Variants in DNMT3A observed in about 807,000 individuals in gnomAD.
DNMT3A encodes DNA methyltransferase 3 alpha, also known as DNA (cytosine-5)-methyltransferase 3A.
Under a neutral mutation model 117.6 loss-of-function variants are expected in DNMT3A, and 267 were observed. The observed-to-expected ratio is 2.27, with a 90% confidence interval of 2.05 to 2.51. DNMT3A has a LOEUF of 2.51. Ranked by LOEUF, DNMT3A falls within the 30% of genes most tolerant of loss-of-function variation. The pLI, the probability that DNMT3A is intolerant of heterozygous loss-of-function variation, is 0.00. For missense variants in DNMT3A, 1,029 were observed against 1,260.2 expected (o/e 0.82, Z 2.78); for synonymous variants, 432 against 474.8 (o/e 0.91, Z 1.17).
chr2:25,331,532 C>T (rs113133240), intron 1 of DNMT3A, among the ~76,000 whole-genome samples: 8 of 152,326 alleles, frequency 5.3e-5, no homozygotes, highest in South Asian at 2.1e-4. Context: ...GATTCTCAGA[C>T]GGTGATGATG....
chr2:25,235,333 C>T (rs1176644914), intron 22 of DNMT3A, among the ~76,000 whole-genome samples: 7 of 152,070 alleles, frequency 4.6e-5, no homozygotes, highest in East Asian at 1.9e-4. Flanking sequence ...TACAGGCACC[C>T]GCCACCACAC....
In DNMT3A at chr2:25,232,734, G is replaced by A. The variant is rs547487112; in HGVS notation, c.*1545C>T. ...CCGCACCTTGGTTTGAAACCTAAAG[G>A]GAAGGGTGTTGGGTTTTTGTTTTCT... On this transcript the variant is annotated 3_prime_UTR_variant, in exon 23 of 23. Transcript: ENST00000321117. This position sits in a 1 kb window ranked among gnomAD's most constrained non-coding sequence, Gnocchi z 4.1. 20 of 178,448 alleles carry A rather than the reference G, an allele frequency of 1.1e-4. No individual in the cohort carries two copies. The South Asian group carries it at 3.8e-3, about 34-fold the overall frequency. 11.1% of individuals were successfully genotyped at this position (178,448 alleles called of 1,614,324 possible).
In DNMT3A at chr2:25,294,305, G is replaced by A. The variant is rs559848101; in HGVS notation, c.177+5834C>T. ...GGGCGTTGATTTCACCGCTCAGGTC[G>A]GGGAGTGGGTGGGTGGAGCTGCAAG... On this transcript the variant is annotated intron_variant, in intron 3 of 22. Transcript: ENST00000321117. This position sits in a 1 kb window ranked among gnomAD's most constrained non-coding sequence, Gnocchi z 4.7. 2.2e-4 allele frequency among the ~76,000 whole-genome samples: 33 copies of A among 152,250 alleles called. No individual in the cohort carries two copies. The highest frequency in any genetic ancestry group is 7.5e-4 in the African/African-American group (31 of 41,548).
intron 3 of DNMT3A, among the ~76,000 whole-genome samples, chr2:25,285,028 C>T (rs921988060): frequency 7.2e-5 from 11 of 152,186 alleles, no homozygotes; most frequent in Non-Finnish European, 1.3e-4. Context: ...GGCATTTGGG[C>T]TGATTTGCTT....
chr2:25,341,538 G>T (rs2035453671), intron 1 of DNMT3A, among the ~76,000 whole-genome samples: 1 of 146,584 alleles, frequency 6.8e-6, no homozygotes, highest in Non-Finnish European at 1.5e-5. Context: ...GGAGCCGGGC[G>T]GGGGCGGGGA....
rs765073748 is a variant in DNMT3A at position 25,246,226 on chromosome 2, TG to T, written c.1362del (p.Lys456SerfsTer195). ...EAAAYAPPPPAKKPRKSTAEK... is the reference protein window; with the variant it reads ...EAAAYAPPPPXKKPRKSTAEK... ...TCCGCTGTGCTCTTCCGGGGCTTTT[TG>T]GCTGGTGGAGGTGGTGCGTAGGCAG... is the stretch of plus-strand genomic sequence containing the variant. On this transcript the variant is annotated frameshift_variant, in exon 11 of 23. Coordinates refer to ENST00000321117, the MANE Select transcript of DNMT3A (RefSeq NM_022552.5). LOFTEE classifies it high-confidence loss of function. 6.2e-7 allele frequency: 1 copy of T among 1,614,178 alleles called. No homozygotes were observed. The highest frequency in any genetic ancestry group is 8.5e-7 in the Non-Finnish European group (1 of 1,180,008).
chr2:25,306,868 C>G lies in DNMT3A; in HGVS notation c.73-6625G>C, dbSNP rs1282795217. On this transcript the variant is annotated intron_variant, in intron 2 of 22. Transcript: ENST00000321117. The surrounding 1 kb of genome is among the most constrained non-coding windows in gnomAD (Gnocchi z 4.1). ...CAAGTACCTGATGCCATGCTGAGCC[C>G]AGACTGGAGTGTGCTACTGCTCTGC... is the stretch of plus-strand genomic sequence containing the variant. Among the ~76,000 whole-genome samples, 2 of 152,242 alleles carry G rather than the reference C, an allele frequency of 1.3e-5. No individual in the cohort carries two copies. Among genetic ancestry groups the G allele is most frequent in the East Asian group, 3.8e-4 (2 of 5,206 alleles).
chr2:25,309,584 A>ACGCAGGAGACAGCCTAAGGAG (rs1408821998), intron 2 of DNMT3A, among the ~76,000 whole-genome samples: 39 of 152,160 alleles, frequency 2.6e-4, no homozygotes, highest in Non-Finnish European at 4.9e-4. Flanking sequence ...ATCCCCCTTC[A>ACGCAGGAGACAGCCTAAGGAG]CGCAGGAGAC....
At chr2:25,258,514 T>C (rs574721040) in intron 6 of DNMT3A, among the ~76,000 whole-genome samples, 72 of 152,232 alleles carry the variant, frequency 4.7e-4, no homozygotes, top group Middle Eastern at 3.4e-3. Context: ...AGCAAAGAGG[T>C]GCAAGAGCTA....
At position 25,234,876 on chromosome 2, in the gene DNMT3A, C is replaced by T. The variant is rs939885469; in HGVS notation, c.2598-456G>A. ...AGAGCAGGGAAGGCGAAAAAGGAGCCGAACTCCTGCCTGACTTCAGAAGCT... is the reference window on the plus strand; with the variant it reads ...AGAGCAGGGAAGGCGAAAAAGGAGCTGAACTCCTGCCTGACTTCAGAAGCT... On this transcript the variant is annotated intron_variant, in intron 22 of 22. Coordinates refer to ENST00000321117, the MANE Select transcript of DNMT3A (RefSeq NM_022552.5). The surrounding 1 kb of genome is among the most constrained non-coding windows in gnomAD (Gnocchi z 4.5). 2.0e-5 allele frequency among the ~76,000 whole-genome samples: 3 copies of T among 152,096 alleles called. No homozygotes were observed. Among genetic ancestry groups the T allele is most frequent in the Admixed American group, 6.6e-5 (1 of 15,260 alleles).
Position 25,257,856 on chromosome 2 carries a change from C to A in DNMT3A, c.640-9604G>T, listed in dbSNP as rs1676292313. ...AGGTGTGGAAACACGGAGACCCTGG[C>A]TGTGTCTGTTACAAATGAGAACACT... On this transcript the variant is annotated intron_variant, in intron 6 of 22. Coordinates refer to ENST00000321117, the MANE Select transcript of DNMT3A (RefSeq NM_022552.5). The surrounding 1 kb of genome is among the most constrained non-coding windows in gnomAD (Gnocchi z 4.8). 6.6e-6 allele frequency among the ~76,000 whole-genome samples: 1 copy of A among 152,210 alleles called. No homozygotes were observed.
Position 25,244,226 on chromosome 2 carries a change from GC to G in DNMT3A, c.1779del (p.Leu594CysfsTer57). On this transcript the variant is annotated frameshift_variant, in exon 15 of 23. Transcript: ENST00000321117. LOFTEE classifies it high-confidence loss of function. ...GGCCAGTCCTCTCGCCGCCGCAGCA[GC>G]CCGTAGGTACCCTTGTGCCCGCACA... ...CYMCGHKGTY[G>X]LLRRREDWPS... The G allele has an allele frequency of 6.2e-7, 1 of 1,614,048 alleles. No individual in the cohort carries two copies. The highest frequency in any genetic ancestry group is 2.2e-5 in the East Asian group (1 of 44,882).
At chr2:25,265,106 C>T (rs1427656572) in intron 6 of DNMT3A, among the ~76,000 whole-genome samples, 1 of 152,192 alleles carries the variant, frequency 6.6e-6, no homozygotes, top group African/African-American at 2.4e-5. Context: ...TCCAGTTTCA[C>T]AACATCATCC....
chr2:25,328,287 G>A (rs1319425306), intron 1 of DNMT3A, among the ~76,000 whole-genome samples: 1 of 152,160 alleles, frequency 6.6e-6, no homozygotes, highest in Non-Finnish European at 1.5e-5. Flanking sequence ...CACCAGGGCT[G>A]GCTACAACGC....
rs540894871 is a variant in DNMT3A at position 25,228,531 on chromosome 2, C to T, written c.*5748G>A. The T allele has an allele frequency of 1.9e-3, 283 of 152,212 alleles. 2 individuals carry two copies. Among genetic ancestry groups the T allele is most frequent in the African/African-American group, 6.8e-3 (281 of 41,534 alleles). 9.4% of individuals were successfully genotyped at this position (152,212 alleles called of 1,614,324 possible). A position where few individuals can be genotyped will look rare whatever the true frequency, so the allele number is the denominator to read the frequency against. ...GTAAGCACCCGCTACTTCAATGCCT[C>T]AGCTAAAACACATGAAATCGCTCAT... On this transcript the variant is annotated 3_prime_UTR_variant, in exon 23 of 23. Transcript: ENST00000321117.
At chr2:25,283,225 G>A (rs2032024484) in intron 3 of DNMT3A, among the ~76,000 whole-genome samples, 1 of 152,084 alleles carries the variant, frequency 6.6e-6, no homozygotes, top group South Asian at 2.1e-4. Context: ...AGTTGGGGAT[G>A]GTGGTGCATG....
At chr2:25,289,337 T>G (rs913440125) in intron 3 of DNMT3A, among the ~76,000 whole-genome samples, 2 of 152,122 alleles carry the variant, frequency 1.3e-5, no homozygotes, top group Non-Finnish European at 2.9e-5. Context: ...TGATCCCAGG[T>G]GATCCATCCG....
intron 18 of DNMT3A, 51 bp from the exon 19 acceptor site, chr2:25,240,501 GT>G (rs1203696710): frequency 1.3e-6 from 2 of 1,583,214 alleles, no homozygotes; most frequent in South Asian, 2.3e-5. Context: ...GCATAGGACA[GT>G]GGTGTGGCTC....
intron 1 of DNMT3A, among the ~76,000 whole-genome samples, chr2:25,316,713 C>T (rs1057418659): frequency 1.1e-4 from 16 of 152,334 alleles, no homozygotes; most frequent in African/African-American, 3.1e-4. Context: ...GTCCTTCCAC[C>T]GCACAGCCCT....
Sources: gnomAD v4.1 joint callset for allele counts (sites outside exome capture counted in the v4.1 genomes callset) on GRCh38, gnomAD v4.1.1 for gene constraint, Gnocchi (gnomAD v3.1) non-coding constraint, MANE v1.5 for transcripts, NCBI Gene and HGNC (gene_info 2026-07-23, HGNC 2026-07-21) for gene names.